CYP27C1: variants seen among roughly 807,000 people sequenced by gnomAD.
CYP27C1 encodes the protein cytochrome P450 27C1.
Under a neutral mutation model 40.6 loss-of-function variants are expected in CYP27C1, and 29 were observed. That is an observed-to-expected ratio of 0.71 (90% confidence interval 0.53 to 0.97). The LOEUF (loss-of-function observed/expected upper bound fraction) is 0.97. Among genes scored for constraint, CYP27C1 ranks in the 50% least tolerant of loss-of-function variants. The probability of loss-of-function intolerance (pLI) is 0.00; values close to 1 mark genes in which losing one functional copy is unlikely to be tolerated. For synonymous variants in CYP27C1, 198 were observed against 186.8 expected (o/e 1.06, Z -0.49); for missense variants, 390 against 485.8 (o/e 0.80, Z 1.85).
rs1683205397 is a variant in CYP27C1 at position 127,205,541 on chromosome 2, T to C, written c.473+359A>G. 4 of 345,692 alleles carry C rather than the reference T, an allele frequency of 1.2e-5. No individual in the cohort carries two copies. In the Admixed American group the frequency reaches 2.6e-4, roughly 22 times the overall value. The allele number at this position is 345,692 out of a possible 1,614,324, so 21.4% of individuals were successfully genotyped here. On this transcript the variant is annotated intron_variant, in intron 2 of 8. Coordinates refer to ENST00000664447, the MANE Select transcript of CYP27C1 (RefSeq NM_001367502.1). Reference sequence around the variant, plus strand: ...CCTCGTCAAAGGGATTTTCCTGAAATAGTGACCACCTCCTTTCCCTGTGCA... The same window carrying C: ...CCTCGTCAAAGGGATTTTCCTGAAACAGTGACCACCTCCTTTCCCTGTGCA...
At position 127,204,519 on chromosome 2, in the gene CYP27C1, A is replaced by G. The variant is rs1332975570; in HGVS notation, c.474-948T>C. Reference sequence around the variant, plus strand: ...AAGGAAGGAAGGAAAGAAAGAAGGAAAGAAAGAAAGAAAGAAAGAGAGAGA... The same window carrying G: ...AAGGAAGGAAGGAAAGAAAGAAGGAGAGAAAGAAAGAAAGAAAGAGAGAGA... On this transcript the variant is annotated intron_variant, in intron 2 of 8. Coordinates refer to ENST00000664447, the MANE Select transcript of CYP27C1 (RefSeq NM_001367502.1). Among the ~76,000 whole-genome samples the G allele has an allele frequency of 9.4e-4, 31 of 32,814 alleles. 1 individual carries two copies. Among genetic ancestry groups the G allele is most frequent in the Admixed American group, 3.0e-3 (7 of 2,324 alleles). 21.5% of individuals were successfully genotyped at this position (32,814 alleles called of 152,430 possible). A position where few individuals can be genotyped will look rare whatever the true frequency, so the allele number is the denominator to read the frequency against.
Position 127,201,344 on chromosome 2 carries a change from G to C in CYP27C1, c.674-13C>G, listed in dbSNP as rs373602281. 7 of 1,607,268 alleles carry C rather than the reference G, an allele frequency of 4.4e-6. No individual in the cohort carries two copies. The African/African-American group carries it at 9.4e-5, about 22-fold the overall frequency. On this transcript the variant is annotated splice_polypyrimidine_tract_variant and intron_variant, in intron 3 of 8. Coordinates refer to ENST00000664447, the MANE Select transcript of CYP27C1 (RefSeq NM_001367502.1). This position sits in a 1 kb window ranked among gnomAD's most constrained non-coding sequence, Gnocchi z 6.0. ...ATGGTGGCCACTCCTAGACAGGAAAGAGAATTTGAAAACCCTCTTCTAGAT... is the reference window on the plus strand; with the variant it reads ...ATGGTGGCCACTCCTAGACAGGAAACAGAATTTGAAAACCCTCTTCTAGAT...
rs1682979234 is a variant in CYP27C1 at position 127,199,392 on chromosome 2, A to G, written c.1031T>C (p.Leu344Pro). ...EIYANVTEML[L>P]AGVDTTSFTL... is the part of the protein sequence containing the mutation. ...CAGACTCACCGTGTCGACGCCGGCC[A>G]GCAGCATCTCAGTCACGTTGGCGTA... The change falls in exon 5 of 9, where the codon CTG becomes CCG. Residue 344 changes from leucine to proline, a missense_variant. Physicochemically the swap from Leu to Pro is moderately conservative, Grantham distance 98. Transcript: ENST00000664447. The G allele has an allele frequency of 5.0e-6, 8 of 1,613,998 alleles. No homozygotes were observed. Among genetic ancestry groups the G allele is most frequent in the Non-Finnish European group, 6.8e-6 (8 of 1,179,984 alleles).
chr2:127,192,880 G>A (rs946490367), intron 8 of CYP27C1, among the ~76,000 whole-genome samples: 2 of 147,404 alleles, frequency 1.4e-5, no homozygotes, highest in South Asian at 2.1e-4. Context: ...GTGTGATCAC[G>A]GCTCACTGCA....
At chr2:127,199,655 T>C in intron 4 of CYP27C1, 116 bp from the exon 5 acceptor site, 2 of 1,061,314 alleles carry the variant, frequency 1.9e-6, no homozygotes, top group Non-Finnish European at 2.6e-6. Context: ...TGACAGAGGG[T>C]AAGGAAACCC....
rs1682907032 is a variant in CYP27C1, at chr2:127,196,466, T to C, written c.1048-965A>G. Among the ~76,000 whole-genome samples, 1 of 152,136 alleles carries C rather than the reference T, an allele frequency of 6.6e-6. No homozygotes were observed. The highest frequency in any genetic ancestry group is 2.1e-4 in the South Asian group (1 of 4,824). ...TTTCGCTAAAATCAATAGTATCATC[T>C]ATGGGACTACATTTCACTCTCTAGT... On this transcript the variant is annotated intron_variant, in intron 5 of 8. Transcript: ENST00000664447. The surrounding 1 kb of genome is among the most constrained non-coding windows in gnomAD (Gnocchi z 4.5).
Position 127,184,369 on chromosome 2 carries a change from C to T in CYP27C1, c.*2902G>A, listed in dbSNP as rs955452546. On this transcript the variant is annotated 3_prime_UTR_variant, in exon 9 of 9. Transcript: ENST00000664447. ...GGTTAATATGTCTCCTATATTGCTT[C>T]ATCTGTAACAGTTCTCCTCTCCCCT... is the stretch of plus-strand genomic sequence containing the variant. 24 of 151,856 alleles carry T rather than the reference C, an allele frequency of 1.6e-4. No individual in the cohort carries two copies. Among genetic ancestry groups the T allele is most frequent in the African/African-American group, 5.6e-4 (23 of 41,364 alleles). The allele number at this position is 151,856 out of a possible 1,614,324, so 9.4% of individuals were successfully genotyped here. A position where few individuals can be genotyped will look rare whatever the true frequency, so the allele number is the denominator to read the frequency against.
chr2:127,187,154 TAACA>T lies in CYP27C1; in HGVS notation c.*113_*116del. On this transcript the variant is annotated 3_prime_UTR_variant, in exon 9 of 9. Transcript: ENST00000664447. ...TCCCAGGACCTGGGAGGCCAGTCTA[TAACA>T]AGACAGCCTTTAGCGACATCGCTTT... 1.2e-6 allele frequency: 1 copy of T among 844,814 alleles called. No homozygotes were observed. The highest frequency in any genetic ancestry group is 1.9e-6 in the Non-Finnish European group (1 of 514,096). 52.3% of individuals were successfully genotyped at this position (844,814 alleles called of 1,614,324 possible). A position where few individuals can be genotyped will look rare whatever the true frequency, so the allele number is the denominator to read the frequency against.
intron 8 of CYP27C1, among the ~76,000 whole-genome samples, chr2:127,189,495 C>CTAATGCG (rs1223221484): frequency 6.6e-6 from 1 of 151,954 alleles, no homozygotes; most frequent in Non-Finnish European, 1.5e-5. Flanking sequence ...GGACAAATAC[C>CTAATGCG]TAATGCATGT....
rs1351987914 is a variant in CYP27C1, at chr2:127,208,784, C to T, written c.283-2694G>A. 6.6e-6 allele frequency among the ~76,000 whole-genome samples: 1 copy of T among 152,222 alleles called. No homozygotes were observed. Among genetic ancestry groups the T allele is most frequent in the African/African-American group, 2.4e-5 (1 of 41,460 alleles). On this transcript the variant is annotated intron_variant, in intron 1 of 8. Coordinates refer to ENST00000664447, the MANE Select transcript of CYP27C1 (RefSeq NM_001367502.1). This position sits in a 1 kb window ranked among gnomAD's most constrained non-coding sequence, Gnocchi z 5.2. ...GGTCTAACCCTGATCCATCCTTCCTCAGTGGCTGGGGATTCCCAGCAGGAT... is the reference window on the plus strand; with the variant it reads ...GGTCTAACCCTGATCCATCCTTCCTTAGTGGCTGGGGATTCCCAGCAGGAT...
Position 127,213,664 on chromosome 2 carries a change from C to T in CYP27C1, c.282+6325G>A, listed in dbSNP as rs145482500. On this transcript the variant is annotated intron_variant, in intron 1 of 8. Coordinates refer to ENST00000664447, the MANE Select transcript of CYP27C1 (RefSeq NM_001367502.1). Reference sequence around the variant, plus strand: ...TCCTTACACCTTATACAAAAATTAACGCAAGATGAATTAAAGACTTAAATG... The same window carrying T: ...TCCTTACACCTTATACAAAAATTAATGCAAGATGAATTAAAGACTTAAATG... Among the ~76,000 whole-genome samples the T allele has an allele frequency of 3.9e-4, 59 of 152,138 alleles. 1 individual carries two copies. The East Asian group carries it at 7.1e-3, about 18-fold the overall frequency.
rs1682908471 is a variant in CYP27C1, at chr2:127,196,519, C to T, written c.1048-1018G>A. Among the ~76,000 whole-genome samples the T allele has an allele frequency of 1.5e-5, 2 of 129,916 alleles. No homozygotes were observed. Among genetic ancestry groups the T allele is most frequent in the Non-Finnish European group, 3.2e-5 (2 of 61,666 alleles). The allele number at this position is 129,916 out of a possible 152,430, so 85.2% of individuals were successfully genotyped here. A position where few individuals can be genotyped will look rare whatever the true frequency, so the allele number is the denominator to read the frequency against. On this transcript the variant is annotated intron_variant, in intron 5 of 8. Coordinates refer to ENST00000664447, the MANE Select transcript of CYP27C1 (RefSeq NM_001367502.1). The surrounding 1 kb of genome is among the most constrained non-coding windows in gnomAD (Gnocchi z 4.5). ...ACAAGGAAATGCCACAGTATAAAGG[C>T]CTTTCTCTTTCACCAAAAAAAAAAA...
intron 1 of CYP27C1, among the ~76,000 whole-genome samples, chr2:127,206,422 C>T (rs1046366593): frequency 1.3e-5 from 2 of 152,106 alleles, no homozygotes; most frequent in African/African-American, 4.8e-5. Flanking sequence ...AATCCTCCCA[C>T]CTCAGCCTCC....
At chr2:127,198,848 AC>A in intron 5 of CYP27C1, among the ~76,000 whole-genome samples, 1 of 152,214 alleles carries the variant, frequency 6.6e-6, no homozygotes, top group East Asian at 1.9e-4. Flanking sequence ...TGACAGGACC[AC>A]CCAACAACGC....
At chr2:127,190,331 C>CTTTTTTTT (rs11400543) in intron 8 of CYP27C1, among the ~76,000 whole-genome samples, 13 of 120,208 alleles carry the variant, frequency 1.1e-4, no homozygotes, top group Non-Finnish European at 1.5e-4. Flanking sequence ...TGTGGCTTCT[C>CTTTTTTTT]TTTTTTTTTT....
At chr2:127,211,794 G>C (rs1378007070) in intron 1 of CYP27C1, among the ~76,000 whole-genome samples, 2 of 152,018 alleles carry the variant, frequency 1.3e-5, no homozygotes, top group South Asian at 2.1e-4. Flanking sequence ...AAAGAGGCGA[G>C]AGCAAACTAA....
intron 1 of CYP27C1, among the ~76,000 whole-genome samples, chr2:127,211,233 T>C (rs538150112): frequency 1.3e-5 from 2 of 152,198 alleles, no homozygotes; most frequent in East Asian, 1.9e-4. Flanking sequence ...ATCATGGAAA[T>C]TGAACAACCT....
At chr2:127,207,507 T>C (rs776496653) in intron 1 of CYP27C1, among the ~76,000 whole-genome samples, 1 of 151,704 alleles carries the variant, frequency 6.6e-6, no homozygotes, top group African/African-American at 2.4e-5. Flanking sequence ...AAAAAATACA[T>C]ATATATACAA....
chr2:127,210,390 C>A (rs1683312286), intron 1 of CYP27C1, among the ~76,000 whole-genome samples: 1 of 152,172 alleles, frequency 6.6e-6, no homozygotes, highest in African/African-American at 2.4e-5. Flanking sequence ...AAAACCAGTA[C>A]CAGCCACTGC....
Sources: allele counts gnomAD v4.1 joint callset (sites outside exome capture counted in the v4.1 genomes callset), GRCh38; gene constraint gnomAD v4.1.1; non-coding constraint Gnocchi (gnomAD v3.1); transcripts MANE v1.5; gene names NCBI Gene and HGNC (gene_info 2026-07-23, HGNC 2026-07-21).